Variants in CLSTN2 observed in about 807,000 individuals in gnomAD.
The protein encoded by CLSTN2 is calsyntenin 2, also known as calsyntenin-2.
CLSTN2 carries 48 observed loss-of-function variants against 101.2 expected under a neutral mutation model. That is an observed-to-expected ratio of 0.47 (90% CI 0.38 to 0.60). The LOEUF (loss-of-function observed/expected upper bound fraction) is 0.60. CLSTN2 is among the 20% of genes least tolerant of loss of function. The pLI is 0.00. For synonymous variants in CLSTN2, 481 were observed against 463.6 expected (o/e 1.04, Z -0.48); for missense variants, 1,160 against 1,238.2 (o/e 0.94, Z 0.95).
chr3:140,382,555 G>A (rs1344904633), intron 2 of CLSTN2, among the ~76,000 whole-genome samples: 1 of 152,148 alleles, frequency 6.6e-6, no homozygotes, highest in Non-Finnish European at 1.5e-5. Flanking sequence ...CTTTGTTTGG[G>A]TCTGTGGGCT....
In CLSTN2 at chr3:140,532,491, T is replaced by G. The variant is rs1559896311; in HGVS notation, c.1507+5T>G. 3 of 1,610,154 alleles carry G rather than the reference T, an allele frequency of 1.9e-6. No individual in the cohort carries two copies. The Admixed American group carries it at 5.0e-5, about 27-fold the overall frequency. ...CAGTCGGCGCTTGTTGGCAAGGTAA[T>G]CCTAAGTGAAACCCTTTTCTCTGAC... is the stretch of plus-strand genomic sequence containing the variant. On this transcript the variant is annotated splice_donor_5th_base_variant and intron_variant, in intron 9 of 16. Transcript: ENST00000458420.
intron 1 of CLSTN2, among the ~76,000 whole-genome samples, chr3:139,976,040 C>A (rs1368584493): frequency 6.6e-6 from 1 of 152,226 alleles, no homozygotes; most frequent in East Asian, 1.9e-4. Context: ...AAAAATACAA[C>A]TAATCAAGCT....
chr3:140,233,038 A>T (rs998457101), intron 2 of CLSTN2, among the ~76,000 whole-genome samples: 1 of 152,060 alleles, frequency 6.6e-6, no homozygotes, highest in African/African-American at 2.4e-5. Flanking sequence ...TAATTTCTTG[A>T]TGGTTTAGAA....
intron 2 of CLSTN2, among the ~76,000 whole-genome samples, chr3:140,331,642 C>A (rs904135332): frequency 4.3e-4 from 65 of 152,304 alleles, no homozygotes; most frequent in African/African-American, 1.5e-3. Flanking sequence ...ATTTTATAGG[C>A]TTGTTGTGGT....
chr3:140,562,928 G>T lies in CLSTN2; in HGVS notation c.2330G>T (p.Arg777Leu). The change falls in exon 14 of 17, where the codon CGC (arginine) becomes CTC (leucine). Residue 777 changes from arginine to leucine, a missense_variant. Transcript: ENST00000458420. ...FRIKCSELNG[R>L]YTSNEFNLEV... is the part of the protein sequence containing the mutation. ...ATTAAGTGCTCAGAACTCAATGGGC[G>T]CTACACTAGCAATGAGTTCAACTTG... 1 of 1,614,130 alleles carries T rather than the reference G, an allele frequency of 6.2e-7. No individual in the cohort carries two copies. The highest frequency in any genetic ancestry group is 8.5e-7 in the Non-Finnish European group (1 of 1,180,014).
At position 140,567,219 on chromosome 3, in the gene CLSTN2, G is replaced by T. The variant is rs1196773859; in HGVS notation, c.*966G>T. On this transcript the variant is annotated 3_prime_UTR_variant, in exon 17 of 17. Coordinates refer to ENST00000458420, the MANE Select transcript of CLSTN2 (RefSeq NM_022131.3). The stretch of plus-strand genomic sequence containing the variant: ...CATGGTGGGTGGAGTGGGGGTGGCT[G>T]GGCTCCCCCAGGACAGAGGGGACCC... 1 of 152,262 alleles carries T rather than the reference G, an allele frequency of 6.6e-6. No homozygotes were observed. The highest frequency in any genetic ancestry group is 6.5e-5 in the Admixed American group (1 of 15,274). 9.4% of individuals were successfully genotyped at this position (152,262 alleles called of 1,614,324 possible).
chr3:140,300,821 C>T, intron 2 of CLSTN2, among the ~76,000 whole-genome samples: 1 of 152,110 alleles, frequency 6.6e-6, no homozygotes, highest in South Asian at 2.1e-4. Flanking sequence ...TATATGCATA[C>T]ATAAAGAGAT....
At position 140,063,676 on chromosome 3, in the gene CLSTN2, G is replaced by A. The variant is rs533779761; in HGVS notation, c.110-112275G>A. Among the ~76,000 whole-genome samples, 23 of 152,190 alleles carry A rather than the reference G, an allele frequency of 1.5e-4. No individual in the cohort carries two copies. In the South Asian group the frequency reaches 2.1e-3, roughly 14 times the overall value. ...AGTCCTTCATTAAACAACCCCTTCC[G>A]TTGCCTCCTCTGACATAGGAATGTC... On this transcript the variant is annotated intron_variant, in intron 1 of 16. Transcript: ENST00000458420.
At chr3:140,361,993 G>A (rs1248280751) in intron 2 of CLSTN2, among the ~76,000 whole-genome samples, 2 of 152,074 alleles carry the variant, frequency 1.3e-5, no homozygotes, top group African/African-American at 4.8e-5. Context: ...GAAATGCAAA[G>A]GATCCAGAAT....
rs190129625 is a variant in CLSTN2, at chr3:140,088,956, C to A, written c.110-86995C>A. ...TTTGCTAAAACTTTATACTTTGTTC[C>A]AAGTTTTTTAAGTGGAAAAAAATGC... On this transcript the variant is annotated intron_variant, in intron 1 of 16. Coordinates refer to ENST00000458420, the MANE Select transcript of CLSTN2 (RefSeq NM_022131.3). 3.7e-3 allele frequency among the ~76,000 whole-genome samples: 560 copies of A among 152,046 alleles called. 5 individuals are homozygous for A. The highest frequency in any genetic ancestry group is 0.011 in the African/African-American group (469 of 41,456).
intron 2 of CLSTN2, among the ~76,000 whole-genome samples, chr3:140,358,524 A>C (rs909239545): frequency 6.6e-6 from 1 of 152,238 alleles, no homozygotes; most frequent in Non-Finnish European, 1.5e-5. Flanking sequence ...GCAAGGTATC[A>C]GAAATGCCTT....
At chr3:140,516,528 G>A (rs1934919409) in intron 8 of CLSTN2, among the ~76,000 whole-genome samples, 2 of 150,820 alleles carry the variant, frequency 1.3e-5, no homozygotes, top group African/African-American at 2.4e-5. Context: ...GTGCTGGATT[G>A]GTAGTAGTGA....
chr3:140,492,068 G>T (rs1002450794), intron 8 of CLSTN2, among the ~76,000 whole-genome samples: 1 of 152,118 alleles, frequency 6.6e-6, no homozygotes, highest in Non-Finnish European at 1.5e-5. Context: ...ACGTAAAGGT[G>T]CTCAACTTCA....
At chr3:140,235,516 T>C (rs1054769084) in intron 2 of CLSTN2, among the ~76,000 whole-genome samples, 2 of 152,250 alleles carry the variant, frequency 1.3e-5, no homozygotes, top group African/African-American at 4.8e-5. Context: ...TGTCCAGTTG[T>C]GTGCAGCTCT....
intron 2 of CLSTN2, among the ~76,000 whole-genome samples, chr3:140,303,855 A>G (rs1211443878): frequency 1.3e-5 from 2 of 151,816 alleles, no homozygotes; most frequent in Admixed American, 6.6e-5. Context: ...TTGGACTTCC[A>G]TGGGATCAAC....
At chr3:140,292,004 A>G (rs148410646) in intron 2 of CLSTN2, among the ~76,000 whole-genome samples, 1 of 151,996 alleles carries the variant, frequency 6.6e-6, no homozygotes, top group Non-Finnish European at 1.5e-5. Flanking sequence ...TCTCCACTCA[A>G]AGCTGGAGGA....
At chr3:140,291,137 C>T (rs1412253679) in intron 2 of CLSTN2, among the ~76,000 whole-genome samples, 1 of 151,952 alleles carries the variant, frequency 6.6e-6, no homozygotes, top group Non-Finnish European at 1.5e-5. Context: ...AATAGTTGTC[C>T]CATGTGGTTA....
chr3:140,089,176 C>G (rs1323236385), intron 1 of CLSTN2, among the ~76,000 whole-genome samples: 1 of 152,192 alleles, frequency 6.6e-6, no homozygotes, highest in Non-Finnish European at 1.5e-5. Context: ...AGGGCTCACA[C>G]CTTTTACCTC....
chr3:140,207,697 G>T (rs1350762284), intron 2 of CLSTN2, among the ~76,000 whole-genome samples: 1 of 152,090 alleles, frequency 6.6e-6, no homozygotes, highest in Admixed American at 6.5e-5. Context: ...GCACTTGTTT[G>T]ATTGTTGCAT....
Sources: gnomAD v4.1 joint callset for allele counts (sites outside exome capture counted in the v4.1 genomes callset) on GRCh38, gnomAD v4.1.1 for gene constraint, MANE v1.5 for transcripts, NCBI Gene and HGNC (gene_info 2026-07-23, HGNC 2026-07-21) for gene names.